SGO2: variants seen among roughly 807,000 people sequenced by gnomAD.
SGO2 encodes shugoshin 2.
A neutral mutation model predicts 99.5 loss-of-function variants in SGO2; 68 were observed. That is an observed-to-expected ratio of 0.68 (90% CI 0.56 to 0.84). SGO2 has a LOEUF of 0.84. Ranked by LOEUF, SGO2 falls within the 40% of genes least tolerant of loss-of-function variation. The pLI, the probability that SGO2 is intolerant of heterozygous loss-of-function variation, is 0.00. For missense variants in SGO2, 1,350 were observed against 1,436.7 expected, an observed-to-expected ratio of 0.94 and a Z score of 0.97; for synonymous variants, 457 against 487.1, an observed-to-expected ratio of 0.94 and a Z score of 0.81.
At chr2:200,574,858 G>C (rs774386442) in intron 7 of SGO2, among the ~76,000 whole-genome samples, 42 of 151,728 alleles carry the variant, frequency 2.8e-4, no homozygotes, top group Non-Finnish European at 4.9e-4. Context: ...ATTTTTACTG[G>C]GAGCCTATTA....
chr2:200,555,913 C>T (rs925673446), intron 5 of SGO2, among the ~76,000 whole-genome samples: 1 of 152,178 alleles, frequency 6.6e-6, no homozygotes, highest in African/African-American at 2.4e-5. Context: ...TGTGGTGCCT[C>T]CTCTGTTTTC....
intron 5 of SGO2, among the ~76,000 whole-genome samples, chr2:200,561,837 G>T (rs540175094): frequency 5.3e-5 from 8 of 152,072 alleles, no homozygotes; most frequent in Non-Finnish European, 1.2e-4. Context: ...TCATGTGTCT[G>T]TTGGCTGCAT....
intron 5 of SGO2, among the ~76,000 whole-genome samples, chr2:200,569,161 A>G (rs904615695): frequency 6.6e-6 from 1 of 152,024 alleles, no homozygotes; most frequent in Non-Finnish European, 1.5e-5. Context: ...GGTTTCTGTC[A>G]GTTTTCTTCC....
intron 5 of SGO2, among the ~76,000 whole-genome samples, chr2:200,567,710 G>A (rs2033243408): frequency 6.6e-6 from 1 of 152,098 alleles, no homozygotes; most frequent in Non-Finnish European, 1.5e-5. Context: ...CATAAAATAT[G>A]TGGCCTTTTG....
intron 8 of SGO2, chr2:200,576,224 TTTC>T (rs372751813): frequency 0.011 from 2,229 of 209,334 alleles, 4 homozygotes; most frequent in South Asian, 0.012. Flanking sequence ...GCCTTTTTTT[TTTC>T]TTTTTTCTTT....
Position 200,573,378 on chromosome 2 carries a change from A to C in SGO2, c.3032A>C (p.Glu1011Ala), listed in dbSNP as rs994520839. The C allele has an allele frequency of 1.2e-6, 2 of 1,602,138 alleles. No individual in the cohort carries two copies. Among genetic ancestry groups the C allele is most frequent in the East Asian group, 4.5e-5 (2 of 44,782 alleles). Residue 1011 changes from glutamate to alanine, a missense_variant, in exon 7 of 9, where the codon GAA becomes GCA. Physicochemically the swap from Glu to Ala is moderately radical, Grantham distance 107. Coordinates refer to ENST00000357799, the MANE Select transcript of SGO2 (RefSeq NM_152524.6). ...AACAAACTTGCTTCACAGTTAACAG[A>C]ATCTTCACAGACATCTATCTCCTTA... ...AKNKLASQLT[E>A]SSQTSISLES...
chr2:200,535,987 G>A (rs1033374165), intron 3 of SGO2, 78 bp from the exon 4 acceptor site: 1 of 853,424 alleles, frequency 1.2e-6, no homozygotes, highest in Non-Finnish European at 1.8e-6. Flanking sequence ...TCACATGGAT[G>A]GCATTCATAA....
intron 4 of SGO2, among the ~76,000 whole-genome samples, chr2:200,536,622 A>G (rs1245143342): frequency 6.6e-6 from 1 of 152,302 alleles, no homozygotes; most frequent in East Asian, 1.9e-4. Context: ...TGAGGTCAAC[A>G]TCTAGATTAA....
chr2:200,571,294 T>C lies in SGO2; in HGVS notation c.948T>C (p.Asn316=), dbSNP rs1157943440. Residue 316 remains asparagine (N), a synonymous_variant, in exon 7 of 9, where the codon AAT becomes AAC. Coordinates refer to ENST00000357799, the MANE Select transcript of SGO2 (RefSeq NM_152524.6). ...NCNNEINGHT[N]ETNTEMQRNK... ...ATAATGAGATAAATGGTCATACTAA[T>C]GAAACAAATACTGAAATGCAAAGAA... 3 of 1,613,134 alleles carry C rather than the reference T, an allele frequency of 1.9e-6. No individual in the cohort carries two copies. The highest frequency in any genetic ancestry group is 8.5e-7 in the Non-Finnish European group (1 of 1,179,364).
Position 200,572,763 on chromosome 2 carries a change from A to T in SGO2, c.2417A>T (p.Lys806Met), listed in dbSNP as rs200365432. The T allele has an allele frequency of 8.6e-4, 1,385 of 1,613,110 alleles. 1 individual carries two copies. Among genetic ancestry groups the T allele is most frequent in the Non-Finnish European group, 1.1e-3 (1,283 of 1,179,440 alleles). The change falls in exon 7 of 9, where the codon AAG becomes ATG. Residue 806 changes from lysine (K) to methionine (M), a missense_variant. Transcript: ENST00000357799. ...TGTCAAAATGATTCAAAAATAGGTA[A>T]GAAGCCTAGACTAAATGTATGTCAA... ...PACQNDSKIG[K>M]KPRLNVCQKS... is the part of the protein sequence containing the mutation.
Position 200,573,907 on chromosome 2 carries a change from T to G in SGO2, c.3561T>G (p.Ser1187Arg). 1 of 1,610,598 alleles carries G rather than the reference T, an allele frequency of 6.2e-7. No homozygotes were observed. The highest frequency in any genetic ancestry group is 8.5e-7 in the Non-Finnish European group (1 of 1,178,928). ...AGTGCTCCCCAGCCTTTCAAGTAAG[T>G]GATGATGAGCATGAGAAGATGAACA... Reference protein sequence around the residue: ...ALECSPAFQVSDDEHEKMNKM... With the variant: ...ALECSPAFQVRDDEHEKMNKM... Residue 1187 changes from serine (S) to arginine (R), a missense_variant, in exon 7 of 9, where the codon AGT becomes AGG. Coordinates refer to ENST00000357799, the MANE Select transcript of SGO2 (RefSeq NM_152524.6).
rs2033899857 is a variant in SGO2, at chr2:200,583,360, A to G, written c.3783-89A>G. 2.2e-5 allele frequency: 24 copies of G among 1,109,498 alleles called. No individual in the cohort carries two copies. The South Asian group carries it at 3.9e-4, about 18-fold the overall frequency. 68.7% of individuals were successfully genotyped at this position (1,109,498 alleles called of 1,614,324 possible). ...GTTTAAGGAAACTTCTTTTCTACTG[A>G]TATGATGAAACAATTTTCTTCTCCA... On this transcript the variant is annotated intron_variant, in intron 8 of 8. Coordinates refer to ENST00000357799, the MANE Select transcript of SGO2 (RefSeq NM_152524.6).
chr2:200,580,841 A>G (rs953348718), intron 8 of SGO2, among the ~76,000 whole-genome samples: 1 of 152,176 alleles, frequency 6.6e-6, no homozygotes, highest in Non-Finnish European at 1.5e-5. Context: ...AATAAAAATA[A>G]GTAAATAGAA....
chr2:200,541,898 C>T (rs964399443), intron 4 of SGO2, among the ~76,000 whole-genome samples: 1 of 152,160 alleles, frequency 6.6e-6, no homozygotes, highest in African/African-American at 2.4e-5. Context: ...ATCTATTTGT[C>T]TTATCATTAT....
intron 4 of SGO2, among the ~76,000 whole-genome samples, chr2:200,540,758 A>G (rs1559201225): frequency 6.6e-6 from 1 of 152,240 alleles, no homozygotes; most frequent in Non-Finnish European, 1.5e-5. Context: ...GGCTGGAGAC[A>G]CTGCCCTTCT....
At chr2:200,561,806 C>T (rs1173810588) in intron 5 of SGO2, among the ~76,000 whole-genome samples, 1 of 152,076 alleles carries the variant, frequency 6.6e-6, no homozygotes, top group Non-Finnish European at 1.5e-5. Flanking sequence ...TCTCTGATGG[C>T]CAGTGATGAT....
At position 200,571,797 on chromosome 2, in the gene SGO2, G is replaced by A. The variant is rs781009590; in HGVS notation, c.1451G>A (p.Arg484Lys). 6.2e-7 allele frequency: 1 copy of A among 1,613,536 alleles called. No homozygotes were observed. Among genetic ancestry groups the A allele is most frequent in the South Asian group, 1.1e-5 (1 of 91,024 alleles). Reference sequence around the variant, plus strand: ...CAAACTGGCTTTGAACAAGGTGACAGAGAAAATGTACTGTGTAATAAAAAG... The same window carrying A: ...CAAACTGGCTTTGAACAAGGTGACAAAGAAAATGTACTGTGTAATAAAAAG... ...TLQTGFEQGDRENVLCNKKEK... is the reference protein window; with the variant it reads ...TLQTGFEQGDKENVLCNKKEK... Residue 484 changes from arginine (R) to lysine (K), a missense_variant, in exon 7 of 9, where the codon AGA (arginine) becomes AAA (lysine). Arg to Lys is a conservative substitution (Grantham distance 26, BLOSUM62 2). Transcript: ENST00000357799.
At chr2:200,566,288 C>T (rs973461058) in intron 5 of SGO2, among the ~76,000 whole-genome samples, 2 of 152,166 alleles carry the variant, frequency 1.3e-5, no homozygotes, top group Non-Finnish European at 2.9e-5. Context: ...TTCCTTCTTA[C>T]AGTCAGGACT....
At chr2:200,541,004 GGC>G (rs1358389690) in intron 4 of SGO2, among the ~76,000 whole-genome samples, 4 of 149,282 alleles carry the variant, frequency 2.7e-5, no homozygotes, top group African/African-American at 5.0e-5. Flanking sequence ...GCTGACATCT[GGC>G]ATGTGTCATC....
Sources: allele counts gnomAD v4.1 joint callset (sites outside exome capture counted in the v4.1 genomes callset), GRCh38; gene constraint gnomAD v4.1.1; transcripts MANE v1.5; gene names NCBI Gene and HGNC (gene_info 2026-07-23, HGNC 2026-07-21).